ESPNL: variants seen among roughly 807,000 people sequenced by gnomAD.
The protein encoded by ESPNL is espin-like protein.
A neutral mutation model predicts 46.8 loss-of-function variants in ESPNL; 49 were observed. The ratio of observed to expected loss-of-function variants is 1.05; its 90% CI spans 0.83 to 1.33. The LOEUF is 1.33. ESPNL is among the 40% of genes most tolerant of loss of function. The pLI is 0.00. For missense variants in ESPNL, 1,540 were observed against 1,436.6 expected, an observed-to-expected ratio of 1.07 and a Z score of -1.16; for synonymous variants, 664 against 662.1, an observed-to-expected ratio of 1.00 and a Z score of -0.04.
intron 5 of ESPNL, among the ~76,000 whole-genome samples, chr2:238,119,472 G>GTA (rs1691932519): frequency 1.1e-5 from 1 of 93,726 alleles, no homozygotes; most frequent in Non-Finnish European, 2.2e-5. Context: ...AAGGAGGAAT[G>GTA]GATGGAGGAG....
chr2:238,121,379 G>A (rs951212308), intron 5 of ESPNL, among the ~76,000 whole-genome samples: 3 of 152,196 alleles, frequency 2.0e-5, no homozygotes, highest in Non-Finnish European at 4.4e-5. Context: ...TGGGCATGGG[G>A]CACTGGCAAG....
At position 238,130,623 on chromosome 2, in the gene ESPNL, C is replaced by A. The variant is rs369076772; in HGVS notation, c.1909C>A (p.Pro637Thr). 1.4e-5 allele frequency: 22 copies of A among 1,562,692 alleles called. No homozygotes were observed. The highest frequency in any genetic ancestry group is 2.3e-5 in the South Asian group (2 of 85,278). Residue 637 changes from proline (P) to threonine (T), a missense_variant, in exon 9 of 9, where the codon CCT becomes ACT. By Grantham distance (38) the Pro-to-Thr change is conservative. Transcript: ENST00000343063. ...CTGCAGGGAGGCCTCGGCCAGCCCC[C>A]CTCGGAGCGAGGCCCAGCGCCAGAT... The part of the protein sequence containing the change: ...DTCREASASP[P>T]RSEAQRQIQE...
Position 238,102,122 on chromosome 2 carries a change from CG to C in ESPNL, c.477del (p.His160MetfsTer5). 6.5e-7 allele frequency: 1 copy of C among 1,544,486 alleles called. No individual in the cohort carries two copies. Among genetic ancestry groups the C allele is most frequent in the Non-Finnish European group, 8.7e-7 (1 of 1,144,016 alleles). On this transcript the variant is annotated frameshift_variant, in exon 2 of 9. Transcript: ENST00000343063. LOFTEE classifies it high-confidence loss of function. ...ACCTGCCTCAAGCTCCTGACAGCCG[CG>C]CATGGCAGGTAAGGAGCCCAAAGTC... ...DLTCLKLLTAAHGSSVNRRTR... is the reference protein window; with the variant it reads ...DLTCLKLLTAXHGSSVNRRTR...
chr2:238,124,866 C>T (rs772123737), intron 5 of ESPNL, among the ~76,000 whole-genome samples: 88 of 152,066 alleles, frequency 5.8e-4, no homozygotes, highest in African/African-American at 1.4e-3. Context: ...AGCATACATG[C>T]GTGTGTGTGC....
intron 5 of ESPNL, among the ~76,000 whole-genome samples, chr2:238,119,627 G>A (rs1019661474): frequency 5.3e-5 from 8 of 151,948 alleles, no homozygotes; most frequent in Non-Finnish European, 1.0e-4. Flanking sequence ...GGGAGGCCTG[G>A]GGCAGTTACT....
Position 238,130,594 on chromosome 2 carries a change from A to G in ESPNL, c.1880A>G (p.Asp627Gly). 11 of 1,569,932 alleles carry G rather than the reference A, an allele frequency of 7.0e-6. No individual in the cohort carries two copies. The highest frequency in any genetic ancestry group is 9.5e-6 in the Non-Finnish European group (11 of 1,157,616). ...DEKPSTRPLQ[D>G]TCREASASPP... Reference sequence around the variant, plus strand: ...AAGCCATCCACCCGGCCCCTGCAGGACACCTGCAGGGAGGCCTCGGCCAGC... The same window carrying G: ...AAGCCATCCACCCGGCCCCTGCAGGGCACCTGCAGGGAGGCCTCGGCCAGC... The change falls in exon 9 of 9, where the codon GAC becomes GGC. Residue 627 changes from aspartate (D) to glycine (G), a missense_variant. Physicochemically the swap from Asp to Gly is moderately conservative, Grantham distance 94. Coordinates refer to ENST00000343063, the MANE Select transcript of ESPNL (RefSeq NM_194312.4).
Position 238,125,277 on chromosome 2 carries a change from T to C in ESPNL, c.995T>C (p.Leu332Pro), listed in dbSNP as rs1342146028. ...AGGCCCATTCACCCACAGGTGCCCC[T>C]GCTGATGACGCCCCCACCACCACCG... ...YLREVAQPVP[L>P]LMTPPPPPFP... The change falls in exon 6 of 9, where the codon CTG becomes CCG. Residue 332 changes from leucine (L) to proline (P), a missense_variant. Physicochemically the swap from Leu to Pro is moderately conservative, Grantham distance 98. Coordinates refer to ENST00000343063, the MANE Select transcript of ESPNL (RefSeq NM_194312.4). 2 of 1,512,072 alleles carry C rather than the reference T, an allele frequency of 1.3e-6. No individual in the cohort carries two copies. Among genetic ancestry groups the C allele is most frequent in the Non-Finnish European group, 1.8e-6 (2 of 1,125,886 alleles). The allele number at this position is 1,512,072 out of a possible 1,614,324, so 93.7% of individuals were successfully genotyped here. A position where few individuals can be genotyped will look rare whatever the true frequency, so the allele number is the denominator to read the frequency against.
At chr2:238,125,837 G>A (rs918526721) in intron 6 of ESPNL, among the ~76,000 whole-genome samples, 1 of 151,024 alleles carries the variant, frequency 6.6e-6, no homozygotes, top group East Asian at 1.9e-4. Flanking sequence ...GGTGCCACAG[G>A]TAGTGAGGGC....
At chr2:238,121,335 C>T (rs1691984036) in intron 5 of ESPNL, among the ~76,000 whole-genome samples, 1 of 152,222 alleles carries the variant, frequency 6.6e-6, no homozygotes, top group Admixed American at 6.5e-5. Context: ...CTGTCCCACT[C>T]ACCCCCACCC....
chr2:238,109,203 T>G (rs1401222865), intron 4 of ESPNL, among the ~76,000 whole-genome samples: 1 of 152,132 alleles, frequency 6.6e-6, no homozygotes, highest in African/African-American at 2.4e-5. Flanking sequence ...AAGGGGTAAG[T>G]GGCCCCTGGC....
At chr2:238,128,974 C>T (rs1007517948) in intron 8 of ESPNL, 70 bp downstream of exon 8, 7 of 1,490,500 alleles carry the variant, frequency 4.7e-6, no homozygotes, top group Non-Finnish European at 6.2e-6. Context: ...AAGTGGAAGT[C>T]AGGGCGCCCG....
In ESPNL at chr2:238,131,874, C is replaced by G. The variant is rs540441546; in HGVS notation, c.*142C>G. The G allele has an allele frequency of 3.3e-3, 2,955 of 896,326 alleles. 3 individuals are homozygous for G. The highest frequency in any genetic ancestry group is 4.3e-3 in the Non-Finnish European group (2,500 of 585,276). 55.5% of individuals were successfully genotyped at this position (896,326 alleles called of 1,614,324 possible). On this transcript the variant is annotated 3_prime_UTR_variant, in exon 9 of 9. Coordinates refer to ENST00000343063, the MANE Select transcript of ESPNL (RefSeq NM_194312.4). ...CTACCAGTTATCGGAGGCTGCGGGA[C>G]TGTTCTGTTGTGGCATGGTTCTCCT...
At position 238,117,597 on chromosome 2, in the gene ESPNL, GC is replaced by G. The variant is rs1691845314; in HGVS notation, c.987+566del. On this transcript the variant is annotated intron_variant, in intron 5 of 8. Transcript: ENST00000343063. ...AGCAGCCGGAAGGCAGCAGATTCCA[GC>G]CCTGGCTCTCGTCTCTCAGCCTGGG... 2.0e-5 allele frequency among the ~76,000 whole-genome samples: 3 copies of G among 152,370 alleles called. No individual in the cohort carries two copies. In the South Asian group the frequency reaches 6.2e-4, roughly 32 times the overall value.
At chr2:238,106,485 C>T (rs548660536) in intron 3 of ESPNL, among the ~76,000 whole-genome samples, 1 of 152,176 alleles carries the variant, frequency 6.6e-6, no homozygotes, top group Non-Finnish European at 1.5e-5. Flanking sequence ...CCCGGTGCCT[C>T]GCCTGCAAGT....
At chr2:238,110,793 A>G (rs1363896022) in intron 4 of ESPNL, among the ~76,000 whole-genome samples, 1 of 142,748 alleles carries the variant, frequency 7.0e-6, no homozygotes, top group African/African-American at 2.7e-5. Context: ...ATGATATTTA[A>G]TTATCAAGTC....
chr2:238,106,477 C>T (rs890138652), intron 3 of ESPNL, among the ~76,000 whole-genome samples: 3 of 152,220 alleles, frequency 2.0e-5, no homozygotes, highest in African/African-American at 4.8e-5. Flanking sequence ...CAGCCCCTCC[C>T]GGTGCCTCGC....
rs770071012 is a variant in ESPNL at position 238,130,680 on chromosome 2, C to A, written c.1966C>A (p.Arg656=). Residue 656 remains arginine (R), a synonymous_variant, in exon 9 of 9, where the codon CGG becomes AGG. Transcript: ENST00000343063. ...GTGGGGGGTGTCTGTGCGGACGCTG[C>A]GGGGCAACTTCGAGTCGGCCTCTGG... ...QEWGVSVRTL[R]GNFESASGPL... 1 of 1,562,468 alleles carries A rather than the reference C, an allele frequency of 6.4e-7. No homozygotes were observed. Among genetic ancestry groups the A allele is most frequent in the Non-Finnish European group, 8.7e-7 (1 of 1,154,338 alleles).
rs1216813266 is a variant in ESPNL at position 238,119,394 on chromosome 2, GGT to G, written c.987+2362_987+2363del. On this transcript the variant is annotated intron_variant, in intron 5 of 8. Coordinates refer to ENST00000343063, the MANE Select transcript of ESPNL (RefSeq NM_194312.4). The stretch of plus-strand genomic sequence containing the variant: ...GTGGATGAAGGAGTTGGATGCAGGA[GGT>G]GGATGGAGGAGGTGGATGGAGGAGG... Among the ~76,000 whole-genome samples the G allele has an allele frequency of 8.6e-3, 913 of 106,384 alleles. 19 individuals carry two copies. The highest frequency in any genetic ancestry group is 0.014 in the African/African-American group (333 of 24,476). The allele number at this position is 106,384 out of a possible 152,430, so 69.8% of individuals were successfully genotyped here.
chr2:238,119,760 G>T (rs74769438), intron 5 of ESPNL, among the ~76,000 whole-genome samples: 3,117 of 152,138 alleles, frequency 0.02, 111 homozygotes, highest in African/African-American at 0.07. Flanking sequence ...GGACTGGAAG[G>T]TGTCATCGCC....
Sources: allele counts gnomAD v4.1 joint callset (sites outside exome capture counted in the v4.1 genomes callset), GRCh38; gene constraint gnomAD v4.1.1; transcripts MANE v1.5; gene names NCBI Gene and HGNC (gene_info 2026-07-23, HGNC 2026-07-21).